Variants in MPI observed in about 807,000 individuals in gnomAD.
The protein encoded by MPI is mannose phosphate isomerase.
A neutral mutation model predicts 40.1 loss-of-function variants in MPI; 33 were observed. The observed-to-expected ratio is 0.82, with a 90% CI of 0.62 to 1.10. The LOEUF is 1.10. Ranked by LOEUF, MPI falls within the 50% of genes least tolerant of loss-of-function variation. MPI has a pLI of 0.00. For missense variants in MPI, 514 were observed against 524.1 expected (o/e 0.98, Z 0.19); for synonymous variants, 187 against 207.4 (o/e 0.90, Z 0.85).
At chr15:74,890,697 A>G (rs764891062) in intron 2 of MPI, 43 bp downstream of exon 2, 24 of 1,609,542 alleles carry the variant, frequency 1.5e-5, no homozygotes, top group Middle Eastern at 1.6e-4. Flanking sequence ...CCCGCAGGTC[A>G]GGAGAAAGGG....
chr15:74,896,986 T>C, intron 6 of MPI, 25 bp from the exon 7 acceptor site: 1 of 1,611,846 alleles, frequency 6.2e-7, no homozygotes, highest in Non-Finnish European at 8.5e-7. Flanking sequence ...TTCATCAGCT[T>C]AGCACATGAC....
At chr15:74,892,168 A>G (rs377423275) in intron 3 of MPI, among the ~76,000 whole-genome samples, 37 of 151,978 alleles carry the variant, frequency 2.4e-4, no homozygotes, top group African/African-American at 8.9e-4. Context: ...TAATTTTTGT[A>G]TTTTTAGTAG....
intron 5 of MPI, among the ~76,000 whole-genome samples, chr15:74,894,097 T>TTTTCTGA (rs1567267250): frequency 6.3e-5 from 3 of 47,918 alleles, no homozygotes; most frequent in African/African-American, 2.1e-4. Context: ...TGTGTGTGTG[T>TTTTCTGA]GTGTGTGTGT....
chr15:74,896,407 T>A (rs760156664), intron 6 of MPI, 82 bp downstream of exon 6: 52 of 1,544,252 alleles, frequency 3.4e-5, no homozygotes, highest in Non-Finnish European at 2.9e-5. Context: ...AGGAGAAGGG[T>A]GGTCAAGGAG....
intron 5 of MPI, 121 bp downstream of exon 5, chr15:74,893,441 C>T (rs2064756952): frequency 9.4e-7 from 1 of 1,059,104 alleles, no homozygotes; most frequent in Non-Finnish European, 1.4e-6. Context: ...AGGGGCCCCA[C>T]TTAGATGACC....
At chr15:74,891,754 G>A (rs1265991515) in intron 3 of MPI, among the ~76,000 whole-genome samples, 175 bp downstream of exon 3, 1 of 152,240 alleles carries the variant, frequency 6.6e-6, no homozygotes, top group African/African-American at 2.4e-5. Flanking sequence ...GACACATGCA[G>A]CAACTAAGTC....
rs574298018 is a variant in MPI at position 74,898,471 on chromosome 15, A to C, written c.*741A>C. On this transcript the variant is annotated 3_prime_UTR_variant, in exon 8 of 8. Transcript: ENST00000352410. ...CTGCCCAGAGGCACAGCTTGCAAGC[A>C]GCCCTACAGAGAAGGTGACTCAAAG... The C allele has an allele frequency of 2.9e-3, 465 of 159,590 alleles. 5 individuals carry two copies. Among genetic ancestry groups the C allele is most frequent in the Non-Finnish European group, 2.1e-3 (150 of 71,672 alleles). 9.9% of individuals were successfully genotyped at this position (159,590 alleles called of 1,614,324 possible).
In MPI at chr15:74,898,000, G is replaced by A; in HGVS notation, c.*270G>A. Reference sequence around the variant, plus strand: ...CTCGCTACACCTGAGCCAGGCTCTTGCCAACTCTGTTCCAGCCTATGGCTT... The same window carrying A: ...CTCGCTACACCTGAGCCAGGCTCTTACCAACTCTGTTCCAGCCTATGGCTT... On this transcript the variant is annotated 3_prime_UTR_variant, in exon 8 of 8. Coordinates refer to ENST00000352410, the MANE Select transcript of MPI (RefSeq NM_002435.3). 1.9e-6 allele frequency: 1 copy of A among 518,834 alleles called. No individual in the cohort carries two copies. The allele number at this position is 518,834 out of a possible 1,614,324, so 32.1% of individuals were successfully genotyped here. A position where few individuals can be genotyped will look rare whatever the true frequency, so the allele number is the denominator to read the frequency against.
At chr15:74,892,847 T>A in intron 4 of MPI, 45 bp downstream of exon 4, 3 of 1,613,850 alleles carry the variant, frequency 1.9e-6, no homozygotes, top group Non-Finnish European at 2.5e-6. Context: ...GGGCCAGGGA[T>A]ACCTGGGGAA....
Position 74,892,689 on chromosome 15 carries a change from C to A in MPI, c.374C>A (p.Ala125Asp), listed in dbSNP as rs755077601. ...KELAEKLHLQAPQHYPDANHK... is the reference protein window; with the variant it reads ...KELAEKLHLQDPQHYPDANHK... ...CTGGCAGAGAAGCTGCACCTCCAGG[C>A]TCCGCAGCACTACCCCGATGCCAAC... Residue 125 changes from alanine (A) to aspartate (D), a missense_variant, in exon 4 of 8, where the codon GCT becomes GAT. Coordinates refer to ENST00000352410, the MANE Select transcript of MPI (RefSeq NM_002435.3). 1 of 1,614,258 alleles carries A rather than the reference C, an allele frequency of 6.2e-7. No individual in the cohort carries two copies. Among genetic ancestry groups the A allele is most frequent in the South Asian group, 1.1e-5 (1 of 91,088 alleles).
In MPI at chr15:74,898,923, A is replaced by G. The variant is rs2064865526; in HGVS notation, c.*1193A>G. 6.6e-6 allele frequency: 1 copy of G among 152,234 alleles called. No homozygotes were observed. Among genetic ancestry groups the G allele is most frequent in the African/African-American group, 2.4e-5 (1 of 41,444 alleles). The allele number at this position is 152,234 out of a possible 1,614,324, so 9.4% of individuals were successfully genotyped here. On this transcript the variant is annotated 3_prime_UTR_variant, in exon 8 of 8. Transcript: ENST00000352410. The stretch of plus-strand genomic sequence containing the variant: ...GTTCTGGCCATACCTGTTCATTTCC[A>G]TACTGTCTGGCTGCTTTCAAGCCAC...
At chr15:74,890,132 G>C in intron 1 of MPI, 43 bp downstream of exon 1, 1 of 1,605,736 alleles carries the variant, frequency 6.2e-7, no homozygotes, top group Non-Finnish European at 8.5e-7. Flanking sequence ...TTCGTGGAGC[G>C]CGTCCTGGGG....
At position 74,898,645 on chromosome 15, in the gene MPI, C is replaced by T. The variant is rs1246291350; in HGVS notation, c.*915C>T. ...CTCCGCCTCCCGGGTTCACGCCACT[C>T]TTCTGCCTCAGCCTCCCAAGTAGCT... On this transcript the variant is annotated 3_prime_UTR_variant, in exon 8 of 8. Coordinates refer to ENST00000352410, the MANE Select transcript of MPI (RefSeq NM_002435.3). The T allele has an allele frequency of 6.6e-6, 1 of 152,208 alleles. No individual in the cohort carries two copies. Among genetic ancestry groups the T allele is most frequent in the East Asian group, 1.9e-4 (1 of 5,194 alleles). 9.4% of individuals were successfully genotyped at this position (152,208 alleles called of 1,614,324 possible). A position where few individuals can be genotyped will look rare whatever the true frequency, so the allele number is the denominator to read the frequency against.
chr15:74,897,410 AG>A, intron 7 of MPI, 101 bp from the exon 8 acceptor site: 1 of 1,343,228 alleles, frequency 7.4e-7, no homozygotes, highest in Non-Finnish European at 1.1e-6. Context: ...TTGTGCGAGA[AG>A]GTGGCAGAGC....
At position 74,890,671 on chromosome 15, in the gene MPI, ATTTCAGCCCAC is replaced by A; in HGVS notation, c.144+21_144+31del. 1 of 1,612,742 alleles carries A rather than the reference ATTTCAGCCCAC, an allele frequency of 6.2e-7. No homozygotes were observed. Among genetic ancestry groups the A allele is most frequent in the Non-Finnish European group, 8.5e-7 (1 of 1,180,008 alleles). On this transcript the variant is annotated intron_variant, in intron 2 of 7. Transcript: ENST00000352410. The stretch of plus-strand genomic sequence containing the variant: ...TATGCAGAGGTGAGCCCCGGGCTGT[ATTTCAGCCCAC>A]TTTACCCGCAGGTCAGGAGAAAGGG...
chr15:74,890,862 C>A, intron 2 of MPI: 1 of 687,470 alleles, frequency 1.5e-6, no homozygotes, highest in Non-Finnish European at 2.6e-6. Flanking sequence ...CTCCTTCCCC[C>A]AACCACTCTT....
intron 2 of MPI, 134 bp downstream of exon 2, chr15:74,890,788 G>T (rs1009602505): frequency 2.6e-6 from 3 of 1,161,030 alleles, no homozygotes; most frequent in African/African-American, 3.0e-5. Flanking sequence ...TCAGGCTAAT[G>T]GACTAGATAG....
At chr15:74,895,911 C>G (rs2064810768) in intron 5 of MPI, 2 of 556,404 alleles carry the variant, frequency 3.6e-6, no homozygotes, top group Non-Finnish European at 6.5e-6. Flanking sequence ...CTTTTAGTGG[C>G]TAGTATAGTC....
In MPI at chr15:74,897,821, C is replaced by T. The variant is rs192891261; in HGVS notation, c.*91C>T. 8.0e-7 allele frequency: 1 copy of T among 1,243,472 alleles called. No individual in the cohort carries two copies. Among genetic ancestry groups the T allele is most frequent in the East Asian group, 2.4e-5 (1 of 41,850 alleles). 77.0% of individuals were successfully genotyped at this position (1,243,472 alleles called of 1,614,324 possible). A position where few individuals can be genotyped will look rare whatever the true frequency, so the allele number is the denominator to read the frequency against. On this transcript the variant is annotated 3_prime_UTR_variant, in exon 8 of 8. Transcript: ENST00000352410. ...GGCCCAGCTCAAGCCCCCTTCCTTG[C>T]TCTGGACCCCTTAGGTATACCCTGG... is the stretch of plus-strand genomic sequence containing the variant.
Sources: allele counts gnomAD v4.1 joint callset (sites outside exome capture counted in the v4.1 genomes callset), GRCh38; gene constraint gnomAD v4.1.1; transcripts MANE v1.5; gene names NCBI Gene and HGNC (gene_info 2026-07-23, HGNC 2026-07-21).